The following COL24A1 variants were observed in gnomAD, a reference collection of about 807,000 sequenced individuals.
COL24A1 encodes collagen type XXIV alpha 1 chain.
In COL24A1, 224 loss-of-function variants were observed where a neutral mutation model predicts 253.9. The ratio of observed to expected loss-of-function variants is 0.88; its 90% CI spans 0.79 to 0.99. The LOEUF is 0.99. Ranked by LOEUF, COL24A1 falls within the 50% of genes least tolerant of loss-of-function variation. The pLI, the probability that COL24A1 is intolerant of heterozygous loss-of-function variation, is 0.00. For missense variants in COL24A1, 2,131 were observed against 2,068.5 expected, an observed-to-expected ratio of 1.03 and a Z score of -0.59; for synonymous variants, 685 against 673.7, an observed-to-expected ratio of 1.02 and a Z score of -0.26.
chr1:85,737,551 T>G (rs1387450573), intron 57 of COL24A1, 46 bp from the exon 58 acceptor site: 3 of 1,266,500 alleles, frequency 2.4e-6, no homozygotes, highest in Non-Finnish European at 3.3e-6. Flanking sequence ...TTAAATGCCA[T>G]AATCCTTATA....
chr1:86,018,536 T>C (rs1409691459), intron 18 of COL24A1, among the ~76,000 whole-genome samples: 7 of 152,296 alleles, frequency 4.6e-5, no homozygotes, highest in African/African-American at 1.7e-4. Flanking sequence ...TTCTAAGCAG[T>C]GAGGATAAAA....
chr1:85,934,498 T>G (rs1371715460), intron 24 of COL24A1, among the ~76,000 whole-genome samples: 1 of 152,198 alleles, frequency 6.6e-6, no homozygotes, highest in East Asian at 1.9e-4. Flanking sequence ...AATGTACATT[T>G]TCCTACAGAT....
At chr1:85,778,766 G>A (rs901900940) in intron 52 of COL24A1, among the ~76,000 whole-genome samples, 2 of 151,564 alleles carry the variant, frequency 1.3e-5, no homozygotes, top group Non-Finnish European at 2.9e-5. Context: ...CGCCACACCC[G>A]GCTAATTTTG....
chr1:86,107,053 T>C (rs970458114), intron 5 of COL24A1, among the ~76,000 whole-genome samples: 2 of 152,228 alleles, frequency 1.3e-5, no homozygotes, highest in African/African-American at 4.8e-5. Context: ...ACTTTGTTAC[T>C]ATTACTAAAT....
At chr1:85,960,172 T>C (rs546744444) in intron 24 of COL24A1, among the ~76,000 whole-genome samples, 1 of 139,654 alleles carries the variant, frequency 7.2e-6, no homozygotes, top group African/African-American at 2.6e-5. Flanking sequence ...AGACCAAGAT[T>C]TATAATTAAT....
At chr1:85,785,919 C>T (rs906236605) in intron 48 of COL24A1, among the ~76,000 whole-genome samples, 1 of 152,174 alleles carries the variant, frequency 6.6e-6, no homozygotes, top group South Asian at 2.1e-4. Flanking sequence ...GACTTAGTTA[C>T]TGTCACATTA....
At chr1:86,040,035 AG>A (rs1333237365) in intron 12 of COL24A1, among the ~76,000 whole-genome samples, 4 of 152,286 alleles carry the variant, frequency 2.6e-5, no homozygotes, top group African/African-American at 7.2e-5. Context: ...GCATCAAGGC[AG>A]GCTTAATGCT....
intron 34 of COL24A1, among the ~76,000 whole-genome samples, 166 bp downstream of exon 34, chr1:85,875,111 T>C (rs1564516): frequency 0.78 from 118,765 of 152,060 alleles, 46,781 homozygotes; most frequent in Non-Finnish European, 0.84. Flanking sequence ...CCAAATAGGT[T>C]GGGGACTGCT....
rs151234516 is a variant in COL24A1, at chr1:86,084,698, A to T, written c.1707+4476T>A. ...CAAATGAATTTGTCATTAATGTTGG[A>T]ATTTCAATCATATGAGCCAGACTGA... On this transcript the variant is annotated intron_variant, in intron 7 of 59. Transcript: ENST00000370571. Among the ~76,000 whole-genome samples the T allele has an allele frequency of 3.5e-3, 529 of 152,334 alleles. 3 individuals are homozygous for T. The highest frequency in any genetic ancestry group is 0.012 in the African/African-American group (510 of 41,578).
At chr1:86,140,647 A>C (rs1650942649) in intron 2 of COL24A1, among the ~76,000 whole-genome samples, 1 of 152,240 alleles carries the variant, frequency 6.6e-6, no homozygotes, top group Non-Finnish European at 1.5e-5. Flanking sequence ...AACCTGAGAA[A>C]GATGTGCATG....
At chr1:85,779,775 A>G (rs963301894) in intron 52 of COL24A1, among the ~76,000 whole-genome samples, 1 of 152,120 alleles carries the variant, frequency 6.6e-6, no homozygotes, top group African/African-American at 2.4e-5. Flanking sequence ...TTCATTTACA[A>G]ATTTCCAAGC....
chr1:85,961,387 A>G (rs1002256695), intron 23 of COL24A1, 94 bp from the exon 24 acceptor site: 1 of 980,252 alleles, frequency 1.0e-6, no homozygotes, highest in Non-Finnish European at 1.6e-6. Flanking sequence ...GTAATTATCT[A>G]GTCATAACCT....
intron 19 of COL24A1, among the ~76,000 whole-genome samples, chr1:85,999,724 T>C (rs1695217066): frequency 6.6e-6 from 1 of 152,180 alleles, no homozygotes; most frequent in South Asian, 2.1e-4. Context: ...TCCTTGTAGA[T>C]AATAGTTACA....
intron 24 of COL24A1, among the ~76,000 whole-genome samples, chr1:85,920,546 C>T (rs145663886): frequency 1.1e-4 from 17 of 152,078 alleles, no homozygotes; most frequent in African/African-American, 4.1e-4. Flanking sequence ...TATTGGTTTT[C>T]AGTAAAGGAG....
At chr1:86,111,767 G>A (rs1327622761) in intron 5 of COL24A1, among the ~76,000 whole-genome samples, 1 of 151,994 alleles carries the variant, frequency 6.6e-6, no homozygotes, top group East Asian at 1.9e-4. Context: ...CGAGGCCAGC[G>A]AGACCACGAA....
rs1558542110 is a variant in COL24A1 at position 85,889,573 on chromosome 1, A to C, written c.2963T>G (p.Leu988Arg). The C allele has an allele frequency of 6.2e-7, 1 of 1,613,092 alleles. No homozygotes were observed. The highest frequency in any genetic ancestry group is 8.5e-7 in the Non-Finnish European group (1 of 1,179,246). The change falls in exon 32 of 60, where the codon CTT becomes CGT. Residue 988 changes from leucine (L) to arginine (R), a missense_variant. Leu to Arg is a moderately radical substitution (Grantham distance 102). Coordinates refer to ENST00000370571, the MANE Select transcript of COL24A1 (RefSeq NM_152890.7). Reference sequence around the variant, plus strand: ...AGATAAACTTACTGGCTCTCCTGGAAGTCCTCTGTCACCTGTACTTCCAGG... The same window carrying C: ...AGATAAACTTACTGGCTCTCCTGGACGTCCTCTGTCACCTGTACTTCCAGG... The part of the protein sequence containing the change: ...GLPGSTGDRG[L>R]PGEPGLRGLQ...
intron 32 of COL24A1, among the ~76,000 whole-genome samples, chr1:85,886,355 C>T (rs184929958): frequency 1.0e-3 from 151 of 151,272 alleles, no homozygotes; most frequent in Non-Finnish European, 5.3e-4. Flanking sequence ...GGCCCCCATG[C>T]GATGATTTTT....
At chr1:85,916,694 G>T (rs1317016434) in intron 24 of COL24A1, among the ~76,000 whole-genome samples, 1 of 152,022 alleles carries the variant, frequency 6.6e-6, no homozygotes, top group African/African-American at 2.4e-5. Context: ...TACTATTTCA[G>T]TACCTTAAAA....
At chr1:85,763,191 C>T (rs1230951375) in intron 53 of COL24A1, among the ~76,000 whole-genome samples, 3 of 151,962 alleles carry the variant, frequency 2.0e-5, no homozygotes, top group South Asian at 2.1e-4. Flanking sequence ...TCAAGGCCAG[C>T]GGATTGCCTG....
Sources: allele counts gnomAD v4.1 joint callset (sites outside exome capture counted in the v4.1 genomes callset), GRCh38; gene constraint gnomAD v4.1.1; transcripts MANE v1.5; gene names NCBI Gene and HGNC (gene_info 2026-07-23, HGNC 2026-07-21).